Variants in PCDHGA7 observed in about 807,000 individuals in gnomAD.
PCDHGA7 encodes protocadherin gamma-A7.
In PCDHGA7, 44 loss-of-function variants were observed where a neutral mutation model predicts 58.3. The ratio of observed to expected loss-of-function variants is 0.75; its 90% CI spans 0.59 to 0.97. PCDHGA7 has a LOEUF of 0.97. PCDHGA7 is among the 50% of genes least tolerant of loss of function. The pLI is 0.00. For missense variants in PCDHGA7, 1,266 were observed against 1,188.7 expected (o/e 1.06, Z -0.96); for synonymous variants, 516 against 504.2 (o/e 1.02, Z -0.31).
At chr5:141,415,071 G>A (rs757356726) in intron 1 of PCDHGA7, 21 of 1,613,422 alleles carry the variant, frequency 1.3e-5, no homozygotes, top group East Asian at 2.2e-5. Flanking sequence ...AGGTGCGCAC[G>A]GCGCGAGCCC....
At position 141,404,170 on chromosome 5, in the gene PCDHGA7, G is replaced by A. The variant is rs73279089; in HGVS notation, c.2424+18847G>A. 22 of 1,612,630 alleles carry A rather than the reference G, an allele frequency of 1.4e-5. No individual in the cohort carries two copies. In the East Asian group the frequency reaches 1.8e-4, roughly 13 times the overall value. On this transcript the variant is annotated intron_variant, in intron 1 of 3. Coordinates refer to ENST00000518325, the MANE Select transcript of PCDHGA7 (RefSeq NM_018920.4). ...AAGAAGATTATTACAGATTGTTGACGGCCCAAATTCTTGACCGAGAAAAAG... is the reference window on the plus strand; with the variant it reads ...AAGAAGATTATTACAGATTGTTGACAGCCCAAATTCTTGACCGAGAAAAAG...
rs777568111 is a variant in PCDHGA7 at position 141,404,292 on chromosome 5, A to G, written c.2424+18969A>G. On this transcript the variant is annotated intron_variant, in intron 1 of 3. Coordinates refer to ENST00000518325, the MANE Select transcript of PCDHGA7 (RefSeq NM_018920.4). ...ACCCTGCAAGTGACTGACATCAATG[A>G]TAATCCACCTGCTTTCTCTCAAGCC... 2.5e-6 allele frequency: 4 copies of G among 1,613,864 alleles called. No homozygotes were observed. Among genetic ancestry groups the G allele is most frequent in the South Asian group, 1.1e-5 (1 of 91,082 alleles).
intron 1 of PCDHGA7, chr5:141,441,629 G>T: frequency 4.5e-6 from 1 of 224,156 alleles, no homozygotes; most frequent in Non-Finnish European, 9.0e-6. Flanking sequence ...GTGACCTGGA[G>T]CCACAGGCGC....
intron 1 of PCDHGA7, among the ~76,000 whole-genome samples, chr5:141,420,626 C>T (rs1192244062): frequency 6.6e-6 from 1 of 152,152 alleles, no homozygotes; most frequent in Non-Finnish European, 1.5e-5. Flanking sequence ...TTCATTTACT[C>T]AATAAAGGAA....
At chr5:141,392,901 C>G in intron 1 of PCDHGA7, 1 of 1,613,832 alleles carries the variant, frequency 6.2e-7, no homozygotes, top group Non-Finnish European at 8.5e-7. Context: ...CGGGAGGGGA[C>G]AGATTCGCTA....
At chr5:141,484,891 C>T in intron 1 of PCDHGA7, 1 of 361,788 alleles carries the variant, frequency 2.8e-6, no homozygotes, top group Non-Finnish European at 5.0e-6. Context: ...GGGCTTTTTC[C>T]CCTCCAATGC....
At chr5:141,398,695 A>G (rs753760185) in intron 1 of PCDHGA7, 3 of 1,613,784 alleles carry the variant, frequency 1.9e-6, no homozygotes, top group Non-Finnish European at 2.5e-6. Flanking sequence ...GGATGGTAGT[A>G]AATACCCGGA....
chr5:141,404,242 G>A (rs372976589), intron 1 of PCDHGA7: 30 of 1,613,344 alleles, frequency 1.9e-5, no homozygotes, highest in Non-Finnish European at 2.4e-5. Flanking sequence ...GAGGAACTCC[G>A]CCCCTGTCCA....
chr5:141,447,135 GT>G (rs905717632), intron 1 of PCDHGA7, among the ~76,000 whole-genome samples: 1 of 151,698 alleles, frequency 6.6e-6, no homozygotes, highest in South Asian at 2.1e-4. Flanking sequence ...TTGTTTGTTT[GT>G]TTTTTGTTTT....
intron 1 of PCDHGA7, chr5:141,398,937 C>T (rs2093727338): frequency 1.9e-6 from 3 of 1,613,902 alleles, no homozygotes; most frequent in Non-Finnish European, 2.5e-6. Flanking sequence ...CTGACCAAGA[C>T]GAGGGCATCA....
intron 1 of PCDHGA7, chr5:141,423,616 G>A: frequency 6.2e-7 from 1 of 1,609,594 alleles, no homozygotes; most frequent in Admixed American, 1.7e-5. Context: ...GATAGCTGAA[G>A]ACTCAGCTAT....
At chr5:141,404,231 A>G (rs1403622769) in intron 1 of PCDHGA7, 1 of 1,613,928 alleles carries the variant, frequency 6.2e-7, no homozygotes, top group Non-Finnish European at 8.5e-7. Context: ...TGCAACAGAC[A>G]GAGGAACTCC....
chr5:141,393,414 G>C lies in PCDHGA7; in HGVS notation c.2424+8091G>C, dbSNP rs199973289. 738 of 1,614,038 alleles carry C rather than the reference G, an allele frequency of 4.6e-4. No individual in the cohort carries two copies. The highest frequency in any genetic ancestry group is 5.2e-4 in the Non-Finnish European group (617 of 1,179,898). Reference sequence around the variant, plus strand: ...AGAGCTGGTGCTGGAGCGCGCCCTGGACAGGGAGGAAGAGGCTGCTCACCA... The same window carrying C: ...AGAGCTGGTGCTGGAGCGCGCCCTGCACAGGGAGGAAGAGGCTGCTCACCA... On this transcript the variant is annotated intron_variant, in intron 1 of 3. Coordinates refer to ENST00000518325, the MANE Select transcript of PCDHGA7 (RefSeq NM_018920.4).
At chr5:141,441,499 GCCT>G (rs1350774469) in intron 1 of PCDHGA7, 5 of 169,932 alleles carry the variant, frequency 2.9e-5, no homozygotes, top group African/African-American at 1.2e-4. Context: ...TTTCTACCAG[GCCT>G]CCTACGTCGT....
Position 141,490,351 on chromosome 5 carries a change from T to C in PCDHGA7, c.2425-4456T>C. Reference sequence around the variant, plus strand: ...CACACCAGTGGGCACAGTAGTGGGGTTGTTTAATGTGCGAGACCGGGACTC... The same window carrying C: ...CACACCAGTGGGCACAGTAGTGGGGCTGTTTAATGTGCGAGACCGGGACTC... On this transcript the variant is annotated intron_variant, in intron 1 of 3. Transcript: ENST00000518325. The surrounding 1 kb of genome is among the most constrained non-coding windows in gnomAD (Gnocchi z 5.4). 6.2e-7 allele frequency: 1 copy of C among 1,614,028 alleles called. No individual in the cohort carries two copies. The highest frequency in any genetic ancestry group is 1.3e-5 in the African/African-American group (1 of 74,976).
intron 1 of PCDHGA7, among the ~76,000 whole-genome samples, chr5:141,448,768 G>A (rs544426582): frequency 1.3e-5 from 2 of 151,632 alleles, no homozygotes; most frequent in Non-Finnish European, 2.9e-5. Flanking sequence ...GTGAAACCCC[G>A]TCTGTACTAA....
Position 141,385,334 on chromosome 5 carries a change from C to A in PCDHGA7, c.2424+11C>A. 1 of 1,581,530 alleles carries A rather than the reference C, an allele frequency of 6.3e-7. No individual in the cohort carries two copies. The highest frequency in any genetic ancestry group is 8.6e-7 in the Non-Finnish European group (1 of 1,164,706). On this transcript the variant is annotated intron_variant, in intron 1 of 3. Transcript: ENST00000518325. ...CTGCCAAGTATTCAGGTGAGCCCAGCCCTTCCTTTATTTCCATGAGGAATT... is the reference window on the plus strand; with the variant it reads ...CTGCCAAGTATTCAGGTGAGCCCAGACCTTCCTTTATTTCCATGAGGAATT...
intron 1 of PCDHGA7, chr5:141,430,780 C>G: frequency 6.6e-7 from 1 of 1,511,476 alleles, no homozygotes; most frequent in Non-Finnish European, 8.8e-7. Context: ...CGCGACTGCA[C>G]CGGGACTACA....
intron 3 of PCDHGA7, among the ~76,000 whole-genome samples, chr5:141,509,776 C>T (rs898626809): frequency 7.2e-5 from 11 of 152,140 alleles, no homozygotes; most frequent in African/African-American, 9.7e-5. Context: ...GTCTAGTCCC[C>T]GAGATCATCA....
Sources: allele counts gnomAD v4.1 joint callset (sites outside exome capture counted in the v4.1 genomes callset), GRCh38; gene constraint gnomAD v4.1.1; non-coding constraint Gnocchi (gnomAD v3.1); transcripts MANE v1.5; gene names NCBI Gene and HGNC (gene_info 2026-07-23, HGNC 2026-07-21).